Variants in CNTN6 observed in about 807,000 individuals in gnomAD.
The protein encoded by CNTN6 is contactin-6.
Under a neutral mutation model 122.8 loss-of-function variants are expected in CNTN6, and 137 were observed. That is an observed-to-expected ratio of 1.12 (90% CI 0.97 to 1.29). The LOEUF is 1.29. Ranked by LOEUF, CNTN6 falls within the 50% of genes most tolerant of loss-of-function variation. The probability of loss-of-function intolerance (pLI) is 0.00; values close to 1 mark genes in which losing one functional copy is unlikely to be tolerated. For missense variants in CNTN6, 1,634 were observed against 1,223.4 expected (o/e 1.34, Z -5.01); for synonymous variants, 570 against 426.0 (o/e 1.34, Z -4.16).
intron 1 of CNTN6, among the ~76,000 whole-genome samples, chr3:1,117,435 G>C (rs1045305247): frequency 6.6e-6 from 1 of 152,138 alleles, no homozygotes; most frequent in Admixed American, 6.6e-5. Flanking sequence ...AGTGGTTATG[G>C]GTTCAGGCTC....
chr3:1,168,600 G>A (rs1252337336), intron 2 of CNTN6, among the ~76,000 whole-genome samples: 1 of 151,768 alleles, frequency 6.6e-6, no homozygotes, highest in East Asian at 1.9e-4. Flanking sequence ...TGAATGTTGA[G>A]GGGCTCTGGG....
intron 11 of CNTN6, among the ~76,000 whole-genome samples, chr3:1,335,426 G>C (rs939910488): frequency 1.1e-4 from 17 of 152,188 alleles, no homozygotes; most frequent in Non-Finnish European, 1.5e-5. Flanking sequence ...CATCTGCTAA[G>C]TTTGATTAAT....
At chr3:1,380,635 T>A (rs928234772) in intron 17 of CNTN6, among the ~76,000 whole-genome samples, 6 of 152,134 alleles carry the variant, frequency 3.9e-5, no homozygotes, top group Non-Finnish European at 8.8e-5. Flanking sequence ...AAATATTCAG[T>A]CTCGTGGGCC....
At chr3:1,373,222 A>G (rs1487428053) in intron 14 of CNTN6, among the ~76,000 whole-genome samples, 2 of 152,108 alleles carry the variant, frequency 1.3e-5, no homozygotes, top group African/African-American at 4.8e-5. Context: ...TAAAACTTAG[A>G]CATACCTTCT....
intron 3 of CNTN6, among the ~76,000 whole-genome samples, chr3:1,227,536 A>T (rs748414703): frequency 1.3e-5 from 2 of 152,232 alleles, no homozygotes; most frequent in South Asian, 4.1e-4. Context: ...TTATTGACTG[A>T]CTGTCTAATT....
chr3:1,373,038 C>T, intron 14 of CNTN6, 83 bp downstream of exon 14: 1 of 775,654 alleles, frequency 1.3e-6, no homozygotes. Context: ...CTCTGAGAAA[C>T]CACACCATGT....
At chr3:1,245,972 T>G (rs911991610) in intron 4 of CNTN6, among the ~76,000 whole-genome samples, 5 of 152,158 alleles carry the variant, frequency 3.3e-5, no homozygotes, top group Non-Finnish European at 7.3e-5. Flanking sequence ...GAATTTTTGT[T>G]GGGCCACATT....
intron 1 of CNTN6, among the ~76,000 whole-genome samples, chr3:1,094,281 C>T (rs1187895565): frequency 6.6e-6 from 1 of 152,058 alleles, no homozygotes. Context: ...TCCTCCTTCA[C>T]ACACATGTGT....
intron 2 of CNTN6, among the ~76,000 whole-genome samples, chr3:1,216,286 G>T (rs1353676261): frequency 6.6e-6 from 1 of 152,102 alleles, no homozygotes; most frequent in Non-Finnish European, 1.5e-5. Context: ...AGAATTCTCA[G>T]AATGCTGTTA....
intron 1 of CNTN6, among the ~76,000 whole-genome samples, chr3:1,130,595 A>G (rs2092311052): frequency 6.6e-6 from 1 of 152,156 alleles, no homozygotes; most frequent in Non-Finnish European, 1.5e-5. Context: ...AAATGGCTTG[A>G]TAACAAACCT....
intron 4 of CNTN6, among the ~76,000 whole-genome samples, chr3:1,258,250 C>T (rs1486224073): frequency 1.3e-5 from 2 of 152,078 alleles, no homozygotes; most frequent in Admixed American, 1.3e-4. Context: ...CTTTTATCTC[C>T]TCTACTTTCA....
intron 1 of CNTN6, among the ~76,000 whole-genome samples, chr3:1,131,650 G>C (rs1259430097): frequency 6.6e-6 from 1 of 152,138 alleles, no homozygotes; most frequent in East Asian, 1.9e-4. Flanking sequence ...TCCAGGGATA[G>C]AGCTGAGACA....
At chr3:1,112,835 A>T (rs1244819965) in intron 1 of CNTN6, among the ~76,000 whole-genome samples, 2 of 152,202 alleles carry the variant, frequency 1.3e-5, no homozygotes, top group African/African-American at 4.8e-5. Context: ...GGCAGGTCAC[A>T]TAAATATTCA....
At position 1,324,873 on chromosome 3, in the gene CNTN6, C is replaced by T. The variant is rs554889744; in HGVS notation, c.947-942C>T. ...TCATCTTGAACAGGTTACCTAACAT[C>T]GCTGCGAGAATCCACTGAAAGATTG... is the stretch of plus-strand genomic sequence containing the variant. On this transcript the variant is annotated intron_variant, in intron 8 of 22. Coordinates refer to ENST00000446702, the MANE Select transcript of CNTN6 (RefSeq NM_001289080.2). Among the ~76,000 whole-genome samples, 8 of 149,640 alleles carry T rather than the reference C, an allele frequency of 5.3e-5. No individual in the cohort carries two copies. In the South Asian group the frequency reaches 8.3e-4, roughly 16 times the overall value.
At chr3:1,186,906 C>A (rs1243377967) in intron 2 of CNTN6, among the ~76,000 whole-genome samples, 1 of 151,552 alleles carries the variant, frequency 6.6e-6, no homozygotes, top group Non-Finnish European at 1.5e-5. Flanking sequence ...TTCCCTCTGC[C>A]CAAATACAGA....
At chr3:1,305,000 A>AAAC (rs1553672565) in intron 7 of CNTN6, among the ~76,000 whole-genome samples, 22 of 151,860 alleles carry the variant, frequency 1.4e-4, no homozygotes, top group African/African-American at 4.3e-4. Context: ...AAAAAAAAAA[A>AAAC]AAAACAAAAT....
chr3:1,137,984 T>G (rs2092521275), intron 1 of CNTN6, among the ~76,000 whole-genome samples: 1 of 152,226 alleles, frequency 6.6e-6, no homozygotes, highest in Non-Finnish European at 1.5e-5. Flanking sequence ...AAGACAGCCC[T>G]TCAAATATTT....
chr3:1,293,598 G>T (rs1695700018), intron 5 of CNTN6, among the ~76,000 whole-genome samples: 1 of 152,148 alleles, frequency 6.6e-6, no homozygotes, highest in Admixed American at 6.5e-5. Context: ...TGTAAGTACA[G>T]TTGGCAAATA....
intron 4 of CNTN6, among the ~76,000 whole-genome samples, chr3:1,262,245 G>A (rs940447174): frequency 2.6e-5 from 4 of 152,148 alleles, no homozygotes; most frequent in African/African-American, 9.7e-5. Context: ...CTTATGCAGT[G>A]TTGTGGCTAG....
Sources: gnomAD v4.1 joint callset for allele counts (sites outside exome capture counted in the v4.1 genomes callset) on GRCh38, gnomAD v4.1.1 for gene constraint, MANE v1.5 for transcripts, NCBI Gene and HGNC (gene_info 2026-07-23, HGNC 2026-07-21) for gene names.